The following TAF4 variants were observed in gnomAD, a reference collection of about 807,000 sequenced individuals.
The protein encoded by TAF4 is transcription initiation factor TFIID subunit 4.
TAF4 carries 9 observed loss-of-function variants against 90.3 expected under a neutral mutation model. The observed-to-expected ratio is 0.10, with a 90% CI of 0.06 to 0.17. TAF4 has a LOEUF of 0.17. TAF4 is among the 10% of genes least tolerant of loss of function. TAF4 has a pLI of 1.00. For missense variants in TAF4, 1,351 were observed against 1,370.7 expected (o/e 0.99, Z 0.23); for synonymous variants, 818 against 638.9 (o/e 1.28, Z -4.23).
intron 1 of TAF4, among the ~76,000 whole-genome samples, chr20:62,018,137 C>T (rs745465557): frequency 7.9e-5 from 12 of 152,316 alleles, no homozygotes; most frequent in Middle Eastern, 3.4e-3. Flanking sequence ...GAACCAAGCG[C>T]GAGTGGCCAC....
chr20:62,012,596 G>A (rs945961207), intron 3 of TAF4: 3 of 541,518 alleles, frequency 5.5e-6, no homozygotes, highest in African/African-American at 2.0e-5. Context: ...TAAATTCTGT[G>A]TGACTAAAAA....
chr20:61,990,758 C>T (rs2055626549), intron 14 of TAF4, among the ~76,000 whole-genome samples: 2 of 152,162 alleles, frequency 1.3e-5, no homozygotes, highest in Admixed American at 1.3e-4. Context: ...ACAAGGAAGG[C>T]AAAGCAAAGT....
chr20:62,051,908 T>C (rs1184822147), intron 1 of TAF4, among the ~76,000 whole-genome samples: 1 of 152,124 alleles, frequency 6.6e-6, no homozygotes, highest in Non-Finnish European at 1.5e-5. Flanking sequence ...CCATTCTGGA[T>C]ATCTGCCACC....
At chr20:62,026,171 C>A (rs28382035) in intron 1 of TAF4, among the ~76,000 whole-genome samples, 4,568 of 152,252 alleles carry the variant, frequency 0.03, 176 homozygotes, top group African/African-American at 0.089. Flanking sequence ...CCTTCCCCCA[C>A]CAGCCCTGCC....
intron 1 of TAF4, 126 bp from the exon 2 acceptor site, chr20:62,014,833 C>T (rs1600844621): frequency 3.0e-5 from 39 of 1,278,716 alleles, no homozygotes; most frequent in South Asian, 2.3e-4. Flanking sequence ...CTTAAACACA[C>T]GAATCCCCCA....
Position 62,065,202 on chromosome 20 carries a change from C to A in TAF4, c.609G>T (p.Ala203=). The change falls in exon 1 of 15, where the codon GCG becomes GCT. Residue 203 remains alanine, a synonymous_variant. Coordinates refer to ENST00000252996, the MANE Select transcript of TAF4 (RefSeq NM_003185.4). ...CGGCGGCGTGGTGCGAGTTCAGCAGCGCGGCGCTCCCATTCAAAGTTTGCG... is the reference window on the plus strand; with the variant it reads ...CGGCGGCGTGGTGCGAGTTCAGCAGAGCGGCGCTCCCATTCAAAGTTTGCG... ...GAAQTLNGSA[A]LLNSHHAAAP... 3.4e-6 allele frequency: 4 copies of A among 1,185,442 alleles called. No individual in the cohort carries two copies. In the South Asian group the frequency reaches 5.8e-5, roughly 17 times the overall value. The allele number at this position is 1,185,442 out of a possible 1,614,324, so 73.4% of individuals were successfully genotyped here. A position where few individuals can be genotyped will look rare whatever the true frequency, so the allele number is the denominator to read the frequency against.
At chr20:62,043,841 C>T (rs964071627) in intron 1 of TAF4, among the ~76,000 whole-genome samples, 7 of 152,110 alleles carry the variant, frequency 4.6e-5, no homozygotes, top group African/African-American at 1.2e-4. Context: ...CCTAATGATG[C>T]GTTTCTAGAA....
chr20:62,038,936 C>T (rs2055948664), intron 1 of TAF4, among the ~76,000 whole-genome samples: 2 of 152,140 alleles, frequency 1.3e-5, no homozygotes, highest in Admixed American at 1.3e-4. Context: ...GCCTGTAATC[C>T]CAGCTACTCG....
chr20:62,060,044 T>C (rs1363852040), intron 1 of TAF4, among the ~76,000 whole-genome samples: 4 of 152,282 alleles, frequency 2.6e-5, no homozygotes. Context: ...CAGTCTGTTC[T>C]GCTGAGCCCG....
At chr20:62,013,814 G>C (rs2055793623) in intron 2 of TAF4, among the ~76,000 whole-genome samples, 1 of 152,206 alleles carries the variant, frequency 6.6e-6, no homozygotes, top group African/African-American at 2.4e-5. Flanking sequence ...CGCCGGGAGA[G>C]GCAAGTCCTG....
intron 14 of TAF4, 134 bp downstream of exon 14, chr20:61,997,416 T>A: frequency 8.6e-7 from 1 of 1,158,298 alleles, no homozygotes; most frequent in Non-Finnish European, 1.1e-6. Flanking sequence ...AAACAAATAC[T>A]CCAGAAAAGG....
intron 1 of TAF4, among the ~76,000 whole-genome samples, chr20:62,048,025 T>G (rs563858508): frequency 1.4e-4 from 22 of 152,180 alleles, no homozygotes; most frequent in Admixed American, 3.3e-4. Flanking sequence ...CACCCCCTCA[T>G]CAAGATGCCT....
intron 1 of TAF4, among the ~76,000 whole-genome samples, chr20:62,019,323 C>T (rs1469948154): frequency 6.6e-6 from 1 of 152,226 alleles, no homozygotes; most frequent in African/African-American, 2.4e-5. Flanking sequence ...CCAGCTCCCC[C>T]GTTCCCTGCC....
In TAF4 at chr20:62,065,274, G is replaced by C. The variant is rs776495255; in HGVS notation, c.537C>G (p.Gly179=). The C allele has an allele frequency of 6.7e-5, 62 of 928,560 alleles. No homozygotes were observed. The Admixed American group carries it at 1.3e-3, about 19-fold the overall frequency. 57.5% of individuals were successfully genotyped at this position (928,560 alleles called of 1,614,324 possible). A position where few individuals can be genotyped will look rare whatever the true frequency, so the allele number is the denominator to read the frequency against. The change falls in exon 1 of 15, where the codon GGC becomes GGG. Residue 179 remains glycine (G), a synonymous_variant. Coordinates refer to ENST00000252996, the MANE Select transcript of TAF4 (RefSeq NM_003185.4). ...TGCCAGGGCCAGGGCCGGGGCCGGG[G>C]CCGGGGCCGGGCCCGGGGCCGGGGC... ...RAGPGPGPGP[G]PGPGPGPGKP...
At chr20:62,027,615 C>T (rs1463383944) in intron 1 of TAF4, among the ~76,000 whole-genome samples, 3 of 152,200 alleles carry the variant, frequency 2.0e-5, no homozygotes, top group Non-Finnish European at 4.4e-5. Flanking sequence ...AACCACAAAA[C>T]CATACTACTG....
At chr20:62,039,010 G>C (rs945483257) in intron 1 of TAF4, among the ~76,000 whole-genome samples, 1 of 152,210 alleles carries the variant, frequency 6.6e-6, no homozygotes, top group African/African-American at 2.4e-5. Context: ...CCAAGATCGT[G>C]CCACTGCACT....
chr20:62,030,004 A>G (rs78074388), intron 1 of TAF4, among the ~76,000 whole-genome samples: 4,055 of 152,058 alleles, frequency 0.027, 188 homozygotes, highest in African/African-American at 0.093. Flanking sequence ...CCGCAGGGGC[A>G]TGGTCACGGT....
At chr20:61,999,240 T>C in intron 11 of TAF4, 132 bp from the exon 12 acceptor site, 2 of 1,174,162 alleles carry the variant, frequency 1.7e-6, no homozygotes, top group Non-Finnish European at 1.2e-6. Flanking sequence ...GAGGACCCGA[T>C]CCCTCCCACC....
At chr20:61,986,822 C>T (rs980937527) in intron 14 of TAF4, among the ~76,000 whole-genome samples, 6 of 152,356 alleles carry the variant, frequency 3.9e-5, no homozygotes, top group South Asian at 2.1e-4. Flanking sequence ...ATAAGGGAGA[C>T]GGGGCAGCTC....
Sources: allele counts gnomAD v4.1 joint callset (sites outside exome capture counted in the v4.1 genomes callset), GRCh38; gene constraint gnomAD v4.1.1; transcripts MANE v1.5; gene names NCBI Gene and HGNC (gene_info 2026-07-23, HGNC 2026-07-21).